Variants in MSRA observed in about 807,000 individuals in gnomAD.
The protein encoded by MSRA is methionine sulfoxide reductase A.
In MSRA, 54 loss-of-function variants were observed where a neutral mutation model predicts 31.3. That is an observed-to-expected ratio of 1.73 (90% confidence interval 1.39 to 2.17). The LOEUF (loss-of-function observed/expected upper bound fraction) is 2.17, where lower values mean the gene tolerates loss of function less well. Ranked by LOEUF, MSRA falls within the 30% of genes most tolerant of loss-of-function variation. MSRA has a pLI of 0.00. For missense variants in MSRA, 507 were observed against 300.9 expected (o/e 1.69, Z -5.07); for synonymous variants, 169 against 116.5 (o/e 1.45, Z -2.90).
chr8:10,234,081 A>AGTCTTTT (rs1811729644), intron 2 of MSRA, among the ~76,000 whole-genome samples: 1 of 152,180 alleles, frequency 6.6e-6, no homozygotes, highest in Admixed American at 6.5e-5. Context: ...TATAGACATA[A>AGTCTTTT]TAGAAATATT....
chr8:10,153,732 G>T (rs957052550), intron 1 of MSRA, among the ~76,000 whole-genome samples: 1 of 152,156 alleles, frequency 6.6e-6, no homozygotes, highest in Non-Finnish European at 1.5e-5. Context: ...ATAACAAAGT[G>T]TTCGCTATCA....
chr8:10,071,458 C>CTTTTTTTTTTTTTTTT (rs77512999), intron 1 of MSRA, among the ~76,000 whole-genome samples: 1 of 129,272 alleles, frequency 7.7e-6, no homozygotes, highest in Non-Finnish European at 1.6e-5. Flanking sequence ...TTTTAATTTT[C>CTTTTTTTTTTTTTTTT]TTTTTTTTTT....
rs186494937 is a variant in MSRA at position 10,366,690 on chromosome 8, G to A, written c.543+46701G>A. Among the ~76,000 whole-genome samples, 749 of 152,288 alleles carry A rather than the reference G, an allele frequency of 4.9e-3. 3 individuals are homozygous for A. The highest frequency in any genetic ancestry group is 7.0e-3 in the Non-Finnish European group (473 of 68,024). Reference sequence around the variant, plus strand: ...GTACCTGCTACACTGGCCAGGCTTCGTTGCTGGGGACGTCTGTCCATCCTG... The same window carrying A: ...GTACCTGCTACACTGGCCAGGCTTCATTGCTGGGGACGTCTGTCCATCCTG... On this transcript the variant is annotated intron_variant, in intron 5 of 5. Coordinates refer to ENST00000317173, the MANE Select transcript of MSRA (RefSeq NM_012331.5).
At chr8:10,168,008 C>T (rs1489637807) in intron 1 of MSRA, among the ~76,000 whole-genome samples, 1 of 152,114 alleles carries the variant, frequency 6.6e-6, no homozygotes, top group Non-Finnish European at 1.5e-5. Flanking sequence ...TGTTTCTGAT[C>T]TTTATGAGGC....
At chr8:10,401,281 A>G (rs1046931605) in intron 5 of MSRA, among the ~76,000 whole-genome samples, 4 of 152,238 alleles carry the variant, frequency 2.6e-5, no homozygotes, top group Non-Finnish European at 5.9e-5. Context: ...CAGAAATGCA[A>G]ATGCTTAATA....
chr8:10,327,388 A>T (rs1802421571), intron 5 of MSRA, among the ~76,000 whole-genome samples: 1 of 152,254 alleles, frequency 6.6e-6, no homozygotes, highest in South Asian at 2.1e-4. Flanking sequence ...TATAATTAAT[A>T]CAGGGTCATT....
At chr8:10,144,858 C>G (rs1386932944) in intron 1 of MSRA, among the ~76,000 whole-genome samples, 1 of 152,114 alleles carries the variant, frequency 6.6e-6, no homozygotes, top group Non-Finnish European at 1.5e-5. Context: ...AACTCTGTGC[C>G]TTGATTGCTT....
chr8:10,084,368 C>A lies in MSRA; in HGVS notation c.142+29710C>A, dbSNP rs1008841792. 2.0e-5 allele frequency among the ~76,000 whole-genome samples: 3 copies of A among 152,266 alleles called. No homozygotes were observed. In the South Asian group the frequency reaches 6.2e-4, roughly 32 times the overall value. On this transcript the variant is annotated intron_variant, in intron 1 of 5. Transcript: ENST00000317173. ...GCTAACGACAGTGACCCCTGCCCGGCTCCACTGACTCATAGGATCTGATGC... is the reference window on the plus strand; with the variant it reads ...GCTAACGACAGTGACCCCTGCCCGGATCCACTGACTCATAGGATCTGATGC...
chr8:10,376,221 C>T (rs1351637671), intron 5 of MSRA, among the ~76,000 whole-genome samples: 2 of 152,150 alleles, frequency 1.3e-5, no homozygotes, highest in Non-Finnish European at 2.9e-5. Flanking sequence ...TGTACATGGG[C>T]GATCACATGT....
intron 5 of MSRA, among the ~76,000 whole-genome samples, chr8:10,405,000 G>A (rs1807712826): frequency 6.6e-6 from 1 of 152,236 alleles, no homozygotes; most frequent in South Asian, 2.1e-4. Flanking sequence ...GGCTCCAGAT[G>A]TGGGGCCTGG....
chr8:10,056,198 C>CAAAAAA (rs35457688), intron 1 of MSRA, among the ~76,000 whole-genome samples: 3 of 91,008 alleles, frequency 3.3e-5, no homozygotes, highest in South Asian at 4.6e-4. Context: ...TCCCATACAC[C>CAAAAAA]AAAAAAAAAA....
intron 1 of MSRA, among the ~76,000 whole-genome samples, chr8:10,099,930 A>G (rs1050768795): frequency 2.6e-5 from 4 of 152,196 alleles, no homozygotes; most frequent in African/African-American, 7.2e-5. Flanking sequence ...AGCATGCAGC[A>G]GGCCAGTGGA....
intron 5 of MSRA, among the ~76,000 whole-genome samples, chr8:10,407,455 C>T (rs1399632780): frequency 1.3e-5 from 2 of 152,208 alleles, no homozygotes; most frequent in Admixed American, 1.3e-4. Context: ...TCTGGATGAA[C>T]TGTCAAGCTT....
intron 1 of MSRA, among the ~76,000 whole-genome samples, chr8:10,080,158 A>G (rs1030283306): frequency 2.6e-5 from 4 of 152,168 alleles, no homozygotes; most frequent in Non-Finnish European, 5.9e-5. Context: ...ATGGAGGCCT[A>G]GCAGACTGGT....
At chr8:10,244,202 G>A (rs1432339657) in intron 2 of MSRA, among the ~76,000 whole-genome samples, 4 of 152,186 alleles carry the variant, frequency 2.6e-5, no homozygotes, top group African/African-American at 9.7e-5. Context: ...TAAAATTTGA[G>A]TGAGGCAGTA....
chr8:10,308,590 C>T (rs904975555), intron 4 of MSRA, among the ~76,000 whole-genome samples: 2 of 152,258 alleles, frequency 1.3e-5, no homozygotes, highest in Admixed American at 1.3e-4. Context: ...GATCCGGACT[C>T]TTTACAGTGG....
At position 10,396,983 on chromosome 8, in the gene MSRA, G is replaced by A. The variant is rs544779458; in HGVS notation, c.544-31165G>A. On this transcript the variant is annotated intron_variant, in intron 5 of 5. Transcript: ENST00000317173. Reference sequence around the variant, plus strand: ...ACATTCAGAGTGTCGCTGAGTACCAGACTCTATGCTTTTTTACTCCAGGAA... The same window carrying A: ...ACATTCAGAGTGTCGCTGAGTACCAAACTCTATGCTTTTTTACTCCAGGAA... Among the ~76,000 whole-genome samples the A allele has an allele frequency of 2.3e-4, 35 of 152,310 alleles. No individual in the cohort carries two copies. The East Asian group carries it at 6.4e-3, about 28-fold the overall frequency.
At chr8:10,173,398 C>T (rs1180843892) in intron 1 of MSRA, among the ~76,000 whole-genome samples, 2 of 152,190 alleles carry the variant, frequency 1.3e-5, no homozygotes, top group African/African-American at 2.4e-5. Flanking sequence ...AACGGCTTGG[C>T]GTCATGATTT....
intron 5 of MSRA, among the ~76,000 whole-genome samples, chr8:10,323,926 C>T (rs1585472043): frequency 6.6e-6 from 1 of 152,158 alleles, no homozygotes; most frequent in South Asian, 2.1e-4. Context: ...ACTGCTTAAT[C>T]ACCAACTCAG....
Sources: gnomAD v4.1 joint callset for allele counts (sites outside exome capture counted in the v4.1 genomes callset) on GRCh38, gnomAD v4.1.1 for gene constraint, MANE v1.5 for transcripts, NCBI Gene and HGNC (gene_info 2026-07-23, HGNC 2026-07-21) for gene names.